Variants in POM121C observed in about 807,000 individuals in gnomAD.
POM121C encodes the protein nuclear envelope pore membrane protein POM 121C.
Under a neutral mutation model 66.4 loss-of-function variants are expected in POM121C, and 20 were observed. That is an observed-to-expected ratio of 0.30 (90% CI 0.21 to 0.44). The LOEUF (loss-of-function observed/expected upper bound fraction) is 0.44. Among genes scored for constraint, POM121C ranks in the 20% least tolerant of loss-of-function variants. The probability of loss-of-function intolerance (pLI) is 1.00; values close to 1 mark genes in which losing one functional copy is unlikely to be tolerated. For synonymous variants in POM121C, 286 were observed against 528.0 expected (o/e 0.54, Z 6.28); for missense variants, 580 against 1,225.7 (o/e 0.47, Z 7.87).
At chr7:75,433,421 T>C (rs1554472635) in intron 7 of POM121C, among the ~76,000 whole-genome samples, 1 of 151,810 alleles carries the variant, frequency 6.6e-6, no homozygotes, top group African/African-American at 2.4e-5. Flanking sequence ...AGTGGCGCGG[T>C]CTCTGCTTAC....
chr7:75,456,064 C>T (rs1791202174), intron 3 of POM121C, among the ~76,000 whole-genome samples: 1 of 152,126 alleles, frequency 6.6e-6, no homozygotes, highest in South Asian at 2.1e-4. Flanking sequence ...GCAGAGATCT[C>T]GTCTGTACCA....
At position 75,424,163 on chromosome 7, in the gene POM121C, G is replaced by A; in HGVS notation, c.934C>T (p.Leu312=). The A allele has an allele frequency of 6.2e-7, 1 of 1,612,046 alleles. No individual in the cohort carries two copies. The highest frequency in any genetic ancestry group is 1.7e-5 in the Admixed American group (1 of 60,018). ...PTTQPSFTFT[L]PAAATASPPT... is the part of the protein sequence containing the mutation. ...GGGGAGGCAGTTGCAGCAGCAGGCA[G>A]GGTAAAGGTAAATGAAGGCTGAGTG... The change falls in exon 12 of 15, where the codon CTG becomes TTG. Residue 312 remains leucine (L), a synonymous_variant. Coordinates refer to ENST00000615331, the MANE Select transcript of POM121C (RefSeq NM_001099415.3).
intron 7 of POM121C, among the ~76,000 whole-genome samples, chr7:75,428,873 G>C (rs1790061164): frequency 6.6e-6 from 1 of 151,786 alleles, no homozygotes; most frequent in South Asian, 2.1e-4. Flanking sequence ...CCAACACTTT[G>C]GGAGGCCAAG....
At chr7:75,463,044 C>T (rs368896376) in intron 3 of POM121C, among the ~76,000 whole-genome samples, 1 of 152,100 alleles carries the variant, frequency 6.6e-6, no homozygotes, top group Non-Finnish European at 1.5e-5. Flanking sequence ...CAGACTGGGC[C>T]GGGTGCGGTG....
chr7:75,472,842 G>C (rs1162830107), intron 3 of POM121C, among the ~76,000 whole-genome samples: 1 of 151,624 alleles, frequency 6.6e-6, no homozygotes, highest in Non-Finnish European at 1.5e-5. Flanking sequence ...GGGAGGAAGG[G>C]AGGGAGGGAA....
intron 3 of POM121C, chr7:75,442,753 C>G (rs1312557180): frequency 5.3e-6 from 7 of 1,331,968 alleles, no homozygotes; most frequent in Non-Finnish European, 6.7e-6. Context: ...ACTTAAATAT[C>G]CCAGCGTGCA....
intron 3 of POM121C, among the ~76,000 whole-genome samples, chr7:75,451,211 T>G (rs587738043): frequency 1.3e-5 from 2 of 152,070 alleles, no homozygotes; most frequent in African/African-American, 4.8e-5. Flanking sequence ...CGAGCCCATA[T>G]AGCCAAGACG....
At chr7:75,475,949 A>G (rs1435618888) in intron 1 of POM121C, among the ~76,000 whole-genome samples, 2 of 151,900 alleles carry the variant, frequency 1.3e-5, no homozygotes, top group African/African-American at 4.8e-5. Flanking sequence ...GATGAGGTGT[A>G]AAAGTACCAA....
chr7:75,432,659 T>C (rs1453758611), intron 7 of POM121C, among the ~76,000 whole-genome samples: 1 of 152,204 alleles, frequency 6.6e-6, no homozygotes, highest in African/African-American at 2.4e-5. Flanking sequence ...AAAGGCCATC[T>C]AAAGAATGAG....
chr7:75,435,357 G>A lies in POM121C; in HGVS notation c.480+2158C>T, dbSNP rs142040677. Among the ~76,000 whole-genome samples, 335 of 152,138 alleles carry A rather than the reference G, an allele frequency of 2.2e-3. 3 individuals are homozygous for A. The highest frequency in any genetic ancestry group is 7.6e-3 in the African/African-American group (317 of 41,496). On this transcript the variant is annotated intron_variant, in intron 7 of 14. Coordinates refer to ENST00000615331, the MANE Select transcript of POM121C (RefSeq NM_001099415.3). Reference sequence around the variant, plus strand: ...TTTCAGATACACTGATACGCATACCGTTTAAAAAAGAACAACAAAGGATAA... The same window carrying A: ...TTTCAGATACACTGATACGCATACCATTTAAAAAAGAACAACAAAGGATAA...
chr7:75,418,409 C>T lies in POM121C; in HGVS notation c.*387G>A, dbSNP rs1789560177. ...CCCAAATCCCATCAGGTGCACACCA[C>T]CGATCCAGGCGGGCTGGACCCTGCC... On this transcript the variant is annotated 3_prime_UTR_variant, in exon 15 of 15. Transcript: ENST00000615331. 3.9e-6 allele frequency: 4 copies of T among 1,016,822 alleles called. No homozygotes were observed. The highest frequency in any genetic ancestry group is 8.5e-5 in the South Asian group (2 of 23,464). The allele number at this position is 1,016,822 out of a possible 1,614,324, so 63.0% of individuals were successfully genotyped here.
chr7:75,456,215 G>T (rs1447937386), intron 3 of POM121C, among the ~76,000 whole-genome samples: 1 of 151,936 alleles, frequency 6.6e-6, no homozygotes, highest in South Asian at 2.1e-4. Context: ...CTCCAGCCTG[G>T]GTGACAGAGT....
In POM121C at chr7:75,421,671, T is replaced by A; in HGVS notation, c.2581A>T (p.Thr861Ser). ...GCTCCAAAGCTGAAAGCTCCGGTGG[T>A]GGCGCTGGAGCCTGGGGTGGCCACG... The part of the protein sequence containing the change: ...INVATPGSSA[T>S]TGAFSFGAGQ... The change falls in exon 13 of 15, where the codon ACC (threonine) becomes TCC (serine). Residue 861 changes from threonine to serine, a missense_variant. Thr to Ser is a moderately conservative substitution (Grantham distance 58). Transcript: ENST00000615331. 1.2e-6 allele frequency: 2 copies of A among 1,611,340 alleles called. No individual in the cohort carries two copies. Among genetic ancestry groups the A allele is most frequent in the Non-Finnish European group, 1.7e-6 (2 of 1,179,096 alleles).
At chr7:75,467,223 T>G (rs1198938244) in intron 3 of POM121C, among the ~76,000 whole-genome samples, 1 of 152,158 alleles carries the variant, frequency 6.6e-6, no homozygotes, top group Non-Finnish European at 1.5e-5. Context: ...AATCTGGTGC[T>G]CAAGTATGTT....
intron 7 of POM121C, among the ~76,000 whole-genome samples, chr7:75,436,876 C>T (rs1188833716): frequency 6.6e-6 from 1 of 152,078 alleles, no homozygotes; most frequent in East Asian, 1.9e-4. Flanking sequence ...CCACCTTGAT[C>T]TCCCAAAGTG....
rs1249992181 is a variant in POM121C, at chr7:75,467,599, G to T, written c.-152+7105C>A. Among the ~76,000 whole-genome samples, 21 of 151,880 alleles carry T rather than the reference G, an allele frequency of 1.4e-4. 1 individual carries two copies. The highest frequency in any genetic ancestry group is 5.1e-4 in the African/African-American group (21 of 41,382). ...GAATAAATCCTGTGATGGTGACCGGGTGAATGCTCTTGAGAGAAATCATAA... is the reference window on the plus strand; with the variant it reads ...GAATAAATCCTGTGATGGTGACCGGTTGAATGCTCTTGAGAGAAATCATAA... On this transcript the variant is annotated intron_variant, in intron 3 of 14. Coordinates refer to ENST00000615331, the MANE Select transcript of POM121C (RefSeq NM_001099415.3).
At chr7:75,474,950 A>G in intron 2 of POM121C, 68 bp from the exon 3 acceptor site, 1 of 1,237,362 alleles carries the variant, frequency 8.1e-7, no homozygotes. Flanking sequence ...GAATAATATA[A>G]ACACTGCAGC....
At chr7:75,448,166 G>T (rs1563148035) in intron 3 of POM121C, among the ~76,000 whole-genome samples, 1 of 152,138 alleles carries the variant, frequency 6.6e-6, no homozygotes, top group Admixed American at 6.5e-5. Context: ...GAGCCTGGGA[G>T]GTCGAGGCTC....
chr7:75,441,607 G>C lies in POM121C; in HGVS notation c.-111C>G. 6.3e-7 allele frequency: 1 copy of C among 1,581,796 alleles called. No individual in the cohort carries two copies. Among genetic ancestry groups the C allele is most frequent in the Non-Finnish European group, 8.6e-7 (1 of 1,163,182 alleles). On this transcript the variant is annotated 5_prime_UTR_variant, in exon 4 of 15. Coordinates refer to ENST00000615331, the MANE Select transcript of POM121C (RefSeq NM_001099415.3). The stretch of plus-strand genomic sequence containing the variant: ...GTCTGATGGATCGGATAGCGTCTTC[G>C]AGGTGTTATTACAAACCGATCTGGT...
Sources: allele counts gnomAD v4.1 joint callset (sites outside exome capture counted in the v4.1 genomes callset), GRCh38; gene constraint gnomAD v4.1.1; transcripts MANE v1.5; gene names NCBI Gene and HGNC (gene_info 2026-07-23, HGNC 2026-07-21).